MYRIP: variants seen among roughly 807,000 people sequenced by gnomAD.
MYRIP encodes rab effector MyRIP.
MYRIP carries 49 observed loss-of-function variants against 98.0 expected under a neutral mutation model. That is an observed-to-expected ratio of 0.50 (90% CI 0.40 to 0.63). The LOEUF is 0.63. Among genes scored for constraint, MYRIP ranks in the 30% least tolerant of loss-of-function variants. MYRIP has a pLI of 0.00. For missense variants in MYRIP, 1,004 were observed against 1,058.2 expected, an observed-to-expected ratio of 0.95 and a Z score of 0.71; for synonymous variants, 404 against 409.5, an observed-to-expected ratio of 0.99 and a Z score of 0.16.
intron 2 of MYRIP, among the ~76,000 whole-genome samples, chr3:40,005,245 T>C (rs1008531536): frequency 5.3e-5 from 8 of 152,266 alleles, no homozygotes; most frequent in Non-Finnish European, 1.5e-5. Flanking sequence ...TTTGTGTGTC[T>C]TGTGTTCACC....
At chr3:40,192,067 G>A (rs553752862) in intron 10 of MYRIP, among the ~76,000 whole-genome samples, 1 of 151,564 alleles carries the variant, frequency 6.6e-6, no homozygotes, top group East Asian at 2.0e-4. Context: ...AGGTGGGGAT[G>A]GTGCTGCACT....
chr3:40,020,431 G>A (rs1173244650), intron 2 of MYRIP, among the ~76,000 whole-genome samples: 4 of 152,182 alleles, frequency 2.6e-5, no homozygotes, highest in African/African-American at 9.6e-5. Flanking sequence ...GTGCCTTGGT[G>A]TTTTCTTTGG....
chr3:40,242,651 A>C (rs1211535234), intron 12 of MYRIP, among the ~76,000 whole-genome samples: 2 of 152,230 alleles, frequency 1.3e-5, no homozygotes, highest in Non-Finnish European at 2.9e-5. Context: ...AGTTATGTTT[A>C]ACCACTGCCA....
At chr3:40,176,852 T>TGAGCC (rs1184013429) in intron 8 of MYRIP, among the ~76,000 whole-genome samples, 2 of 137,142 alleles carry the variant, frequency 1.5e-5, no homozygotes, top group Non-Finnish European at 3.1e-5. Flanking sequence ...GAGGTTGCAA[T>TGAGCC]GAGCCGAGAT....
chr3:39,867,489 C>A (rs1225411583), intron 1 of MYRIP, among the ~76,000 whole-genome samples: 1 of 124,288 alleles, frequency 8.0e-6, no homozygotes, highest in Non-Finnish European at 1.7e-5. Context: ...GCTCACAAAT[C>A]CCATTTAAAA....
chr3:40,075,750 G>A (rs1948329712), intron 3 of MYRIP, among the ~76,000 whole-genome samples: 1 of 152,008 alleles, frequency 6.6e-6, no homozygotes, highest in Non-Finnish European at 1.5e-5. Context: ...AGGGGGTGGA[G>A]TAAATGAGGG....
At chr3:40,151,215 T>G in intron 4 of MYRIP, 31 bp downstream of exon 4, 6 of 1,571,312 alleles carry the variant, frequency 3.8e-6, no homozygotes, top group African/African-American at 1.4e-5. Flanking sequence ...TCTGGGAGTC[T>G]TTGGTGGGCT....
At chr3:39,959,801 T>A (rs1399567152) in intron 2 of MYRIP, among the ~76,000 whole-genome samples, 1 of 152,130 alleles carries the variant, frequency 6.6e-6, no homozygotes, top group African/African-American at 2.4e-5. Context: ...GTGTAACATA[T>A]GTTGAATAAC....
intron 2 of MYRIP, among the ~76,000 whole-genome samples, chr3:39,978,585 G>A (rs1485420541): frequency 6.6e-6 from 1 of 152,216 alleles, no homozygotes; most frequent in East Asian, 1.9e-4. Context: ...AATGCCATAT[G>A]TTTGTGTTGA....
chr3:39,921,140 C>T (rs1014640211), intron 2 of MYRIP, among the ~76,000 whole-genome samples: 1 of 152,084 alleles, frequency 6.6e-6, no homozygotes, highest in African/African-American at 2.4e-5. Flanking sequence ...AGAGAATATT[C>T]AAGAATAAAT....
At chr3:39,995,778 G>C in intron 2 of MYRIP, among the ~76,000 whole-genome samples, 1 of 152,192 alleles carries the variant, frequency 6.6e-6, no homozygotes, top group Non-Finnish European at 1.5e-5. Context: ...GTTAAGGGCA[G>C]CCAGAGAGAA....
At chr3:40,161,884 T>C (rs1950402990) in intron 4 of MYRIP, among the ~76,000 whole-genome samples, 1 of 152,182 alleles carries the variant, frequency 6.6e-6, no homozygotes, top group Non-Finnish European at 1.5e-5. Flanking sequence ...GGGCTTCACA[T>C]GGCTGTTGGG....
rs556648283 is a variant in MYRIP, at chr3:39,874,580, C to T, written c.-30-26207C>T. ...TGTTGAATTGTGTCAAAGGCCTTTTCTGCATCTTTTGAGATAATCATGCGG... is the reference window on the plus strand; with the variant it reads ...TGTTGAATTGTGTCAAAGGCCTTTTTTGCATCTTTTGAGATAATCATGCGG... On this transcript the variant is annotated intron_variant, in intron 1 of 16. Transcript: ENST00000302541. Among the ~76,000 whole-genome samples, 949 of 151,952 alleles carry T rather than the reference C, an allele frequency of 6.2e-3. 9 individuals are homozygous for T. Among genetic ancestry groups the T allele is most frequent in the Non-Finnish European group, 9.3e-3 (634 of 67,828 alleles).
chr3:40,210,161 T>C (rs1044248374), intron 11 of MYRIP, 68 bp downstream of exon 11: 54 of 1,541,552 alleles, frequency 3.5e-5, no homozygotes, highest in Non-Finnish European at 4.4e-5. Context: ...AAAGATCCTA[T>C]ATTGGTGCAG....
chr3:39,997,323 A>T (rs75006165), intron 2 of MYRIP, among the ~76,000 whole-genome samples: 15,165 of 151,812 alleles, frequency 0.1, 1,317 homozygotes, highest in African/African-American at 0.23. Context: ...AAGAATCAAA[A>T]AGATGGAATA....
rs57834363 is a variant in MYRIP at position 40,064,222 on chromosome 3, C to T, written c.332+19951C>T. Among the ~76,000 whole-genome samples, 228 of 151,958 alleles carry T rather than the reference C, an allele frequency of 1.5e-3. No homozygotes were observed. In the East Asian group the frequency reaches 0.019, roughly 13 times the overall value. On this transcript the variant is annotated intron_variant, in intron 3 of 16. Transcript: ENST00000302541. Reference sequence around the variant, plus strand: ...TTACAGTTGTGGAAACTGAGCTCACCGAGACAGTAATTTACCCAAGGTAAT... The same window carrying T: ...TTACAGTTGTGGAAACTGAGCTCACTGAGACAGTAATTTACCCAAGGTAAT...
chr3:39,981,675 G>C, intron 2 of MYRIP, among the ~76,000 whole-genome samples: 1 of 152,112 alleles, frequency 6.6e-6, no homozygotes, highest in Non-Finnish European at 1.5e-5. Flanking sequence ...TTGTCAGCCT[G>C]GCTGCTGGAT....
At chr3:40,225,702 C>T (rs1434494855) in intron 11 of MYRIP, among the ~76,000 whole-genome samples, 1 of 152,118 alleles carries the variant, frequency 6.6e-6, no homozygotes, top group African/African-American at 2.4e-5. Context: ...TAATGAGAAG[C>T]CTAGAATCAA....
intron 4 of MYRIP, among the ~76,000 whole-genome samples, chr3:40,158,609 C>T (rs1172015866): frequency 1.3e-5 from 2 of 152,072 alleles, no homozygotes; most frequent in Non-Finnish European, 2.9e-5. Context: ...TAAAGTCTCC[C>T]ATTATTATTG....
Sources: gnomAD v4.1 joint callset for allele counts (sites outside exome capture counted in the v4.1 genomes callset) on GRCh38, gnomAD v4.1.1 for gene constraint, MANE v1.5 for transcripts, NCBI Gene and HGNC (gene_info 2026-07-23, HGNC 2026-07-21) for gene names.